Variants in SLC6A20 observed in about 807,000 individuals in gnomAD.
The protein encoded by SLC6A20 is solute carrier family 6 member 20.
In SLC6A20, 73 loss-of-function variants were observed where a neutral mutation model predicts 64.3. That is an observed-to-expected ratio of 1.14 (90% CI 0.94 to 1.38). SLC6A20 has a LOEUF of 1.38. SLC6A20 is among the 40% of genes most tolerant of loss of function. The pLI is 0.00. For synonymous variants in SLC6A20, 347 were observed against 329.6 expected (o/e 1.05, Z -0.57); for missense variants, 725 against 772.8 (o/e 0.94, Z 0.73).
At chr3:45,778,296 G>A (rs900290075) in intron 3 of SLC6A20, among the ~76,000 whole-genome samples, 1 of 152,160 alleles carries the variant, frequency 6.6e-6, no homozygotes, top group African/African-American at 2.4e-5. Flanking sequence ...AGCCTCGTGG[G>A]GTGGCTGTTT....
In SLC6A20 at chr3:45,771,248, C is replaced by T. The variant is rs763155618; in HGVS notation, c.904G>A (p.Ala302Thr). 2 of 1,614,208 alleles carry T rather than the reference C, an allele frequency of 1.2e-6. No individual in the cohort carries two copies. The highest frequency in any genetic ancestry group is 2.2e-5 in the East Asian group (1 of 44,884). Residue 302 changes from alanine to threonine, a missense_variant, in exon 6 of 11, where the codon GCC becomes ACC. By Grantham distance (58) the Ala-to-Thr change is moderately conservative. Coordinates refer to ENST00000358525, the MANE Select transcript of SLC6A20 (RefSeq NM_020208.4). ...AAGCAGTTTTCATAATTGAAGGTGG[C>T]CTTGAAGCCATAGATGGAGAAGGTG... ...IVTFSIYGFKATFNYENCLKK... is the reference protein window; with the variant it reads ...IVTFSIYGFKTTFNYENCLKK...
In SLC6A20 at chr3:45,771,306, G is replaced by A; in HGVS notation, c.846C>T (p.Ile282=). The A allele has an allele frequency of 6.2e-7, 1 of 1,614,262 alleles. No individual in the cohort carries two copies. The highest frequency in any genetic ancestry group is 8.5e-7 in the Non-Finnish European group (1 of 1,180,044). The change falls in exon 6 of 11, where the codon ATC becomes ATT. Residue 282 remains isoleucine (I), a synonymous_variant. Coordinates refer to ENST00000358525, the MANE Select transcript of SLC6A20 (RefSeq NM_020208.4). ...TGGCAAATATGGAGGTGAAGCTGTT[G>A]ATGAGGGACACGATGATGGCGTGCT... is the stretch of plus-strand genomic sequence containing the variant. ...CQKHAIIVSL[I]NSFTSIFASI...
chr3:45,766,108 A>C (rs1575426080), intron 7 of SLC6A20, among the ~76,000 whole-genome samples: 1 of 152,288 alleles, frequency 6.6e-6, no homozygotes, highest in South Asian at 2.1e-4. Flanking sequence ...CTGAGGAGGG[A>C]GGGCGGGGCC....
Position 45,795,334 on chromosome 3 carries a change from T to G in SLC6A20, c.121+965A>C, listed in dbSNP as rs576901192. Among the ~76,000 whole-genome samples the G allele has an allele frequency of 6.5e-3, 989 of 152,238 alleles. 6 individuals carry two copies. Among genetic ancestry groups the G allele is most frequent in the Non-Finnish European group, 9.4e-3 (639 of 68,004 alleles). ...ATACAGGATACGAGAAAATACAATT[T>G]TTTTTTTGAAAATGCCGCCTTAAAG... On this transcript the variant is annotated intron_variant, in intron 1 of 10. Transcript: ENST00000358525.
chr3:45,773,846 TGAGAA>T (rs1239311500), intron 4 of SLC6A20, among the ~76,000 whole-genome samples: 7 of 152,208 alleles, frequency 4.6e-5, no homozygotes, highest in Non-Finnish European at 8.8e-5. Flanking sequence ...TGTTGTAACT[TGAGAA>T]GAGTAATAAA....
Position 45,771,246 on chromosome 3 carries a change from G to A in SLC6A20, c.906C>T (p.Ala302=), listed in dbSNP as rs1219737105. 6 of 1,614,214 alleles carry A rather than the reference G, an allele frequency of 3.7e-6. No individual in the cohort carries two copies. The East Asian group carries it at 8.9e-5, about 24-fold the overall frequency. The change falls in exon 6 of 11, where the codon GCC becomes GCT. Residue 302 remains alanine (A), a synonymous_variant. Coordinates refer to ENST00000358525, the MANE Select transcript of SLC6A20 (RefSeq NM_020208.4). ...TCAAGCAGTTTTCATAATTGAAGGTGGCCTTGAAGCCATAGATGGAGAAGG... is the reference window on the plus strand; with the variant it reads ...TCAAGCAGTTTTCATAATTGAAGGTAGCCTTGAAGCCATAGATGGAGAAGG... ...IVTFSIYGFK[A]TFNYENCLKK...
intron 10 of SLC6A20, 120 bp downstream of exon 10, chr3:45,759,737 T>C: frequency 7.9e-7 from 1 of 1,263,248 alleles, no homozygotes; most frequent in Non-Finnish European, 1.1e-6. Context: ...GATATTTCCA[T>C]GTCGTGACAA....
rs533030163 is a variant in SLC6A20 at position 45,784,193 on chromosome 3, C to A, written c.122-1970G>T. Among the ~76,000 whole-genome samples the A allele has an allele frequency of 1.1e-4, 16 of 152,346 alleles. No homozygotes were observed. In the East Asian group the frequency reaches 1.9e-3, roughly 18 times the overall value. ...GGGCTGTTTGGCCCTAGGCATTAAT[C>A]ATTTCTGTCACTCCTGACCCAACCT... On this transcript the variant is annotated intron_variant, in intron 1 of 10. Coordinates refer to ENST00000358525, the MANE Select transcript of SLC6A20 (RefSeq NM_020208.4).
In SLC6A20 at chr3:45,765,437, A is replaced by G; in HGVS notation, c.1303+100T>C. Reference sequence around the variant, plus strand: ...GAGGTGGCTGCAACCCCCTGTAGCCACCTGAACCAGCCCATGACCCCTGAG... The same window carrying G: ...GAGGTGGCTGCAACCCCCTGTAGCCGCCTGAACCAGCCCATGACCCCTGAG... On this transcript the variant is annotated intron_variant, in intron 8 of 10. Coordinates refer to ENST00000358525, the MANE Select transcript of SLC6A20 (RefSeq NM_020208.4). The surrounding 1 kb of genome is among the most constrained non-coding windows in gnomAD (Gnocchi z 4.2). The G allele has an allele frequency of 7.3e-7, 1 of 1,371,172 alleles. No individual in the cohort carries two copies. Among genetic ancestry groups the G allele is most frequent in the Non-Finnish European group, 1.0e-6 (1 of 1,004,922 alleles). 84.9% of individuals were successfully genotyped at this position (1,371,172 alleles called of 1,614,324 possible). A position where few individuals can be genotyped will look rare whatever the true frequency, so the allele number is the denominator to read the frequency against.
chr3:45,782,161 C>G lies in SLC6A20; in HGVS notation c.184G>C (p.Glu62Gln). The part of the protein sequence containing the change: ...IVEGMPLLYL[E>Q]LAVGQRMRQG... ...CGCATGCGCTGCCCCACAGCCAGTT[C>G]CAGGTACAAGAGCGGCATTCCCTCC... is the stretch of plus-strand genomic sequence containing the variant. The change falls in exon 2 of 11, where the codon GAA becomes CAA. Residue 62 changes from glutamate to glutamine, a missense_variant. Transcript: ENST00000358525. 1.2e-6 allele frequency: 2 copies of G among 1,613,968 alleles called. No individual in the cohort carries two copies. Among genetic ancestry groups the G allele is most frequent in the Non-Finnish European group, 1.7e-6 (2 of 1,179,936 alleles).
intron 9 of SLC6A20, among the ~76,000 whole-genome samples, chr3:45,761,963 T>C (rs530253135): frequency 4.4e-4 from 67 of 152,222 alleles, no homozygotes; most frequent in African/African-American, 1.5e-3. Flanking sequence ...GTGTTGTCAA[T>C]GTCTCCCTCC....
intron 10 of SLC6A20, 101 bp from the exon 11 acceptor site, chr3:45,759,228 G>C (rs561512484): frequency 2.3e-6 from 3 of 1,282,550 alleles, no homozygotes; most frequent in East Asian, 2.6e-5. Flanking sequence ...CGTGGGCAGA[G>C]AGCATGTGGG....
chr3:45,773,238 G>C (rs771889042), intron 4 of SLC6A20, among the ~76,000 whole-genome samples: 1 of 152,214 alleles, frequency 6.6e-6, no homozygotes, highest in East Asian at 1.9e-4. Flanking sequence ...GAGGTGTAGC[G>C]TAGAGGACAA....
intron 2 of SLC6A20, among the ~76,000 whole-genome samples, chr3:45,781,187 T>A (rs558555636): frequency 1.4e-4 from 21 of 149,668 alleles, no homozygotes; most frequent in African/African-American, 5.2e-4. Context: ...GCCATTGCAC[T>A]CCAGCCTGGG....
intron 2 of SLC6A20, among the ~76,000 whole-genome samples, chr3:45,780,865 A>AC (rs1207608796): frequency 1.3e-5 from 2 of 151,444 alleles, no homozygotes; most frequent in African/African-American, 4.9e-5. Flanking sequence ...TCCCCTCCCC[A>AC]CCCCCACTCC....
intron 3 of SLC6A20, among the ~76,000 whole-genome samples, chr3:45,777,546 C>T (rs936113413): frequency 4.6e-5 from 7 of 152,196 alleles, no homozygotes; most frequent in African/African-American, 7.2e-5. Context: ...AGTGACTTCC[C>T]GGCCCAGGAC....
Position 45,765,137 on chromosome 3 carries a change from TG to T in SLC6A20, c.1303+399del, listed in dbSNP as rs1347638966. On this transcript the variant is annotated intron_variant, in intron 8 of 10. Coordinates refer to ENST00000358525, the MANE Select transcript of SLC6A20 (RefSeq NM_020208.4). This position sits in a 1 kb window ranked among gnomAD's most constrained non-coding sequence, Gnocchi z 4.2. Reference sequence around the variant, plus strand: ...GTGAGGCAGGAGAATCACTTGAACCTGGGAGATGGAGGTTGCAGTGAGCCAA... The same window carrying T: ...GTGAGGCAGGAGAATCACTTGAACCTGGAGATGGAGGTTGCAGTGAGCCAA... 6.6e-6 allele frequency among the ~76,000 whole-genome samples: 1 copy of T among 152,030 alleles called. No homozygotes were observed. The highest frequency in any genetic ancestry group is 2.4e-5 in the African/African-American group (1 of 41,384).
chr3:45,777,065 A>G (rs1699980600), intron 3 of SLC6A20, among the ~76,000 whole-genome samples: 1 of 152,216 alleles, frequency 6.6e-6, no homozygotes, highest in Non-Finnish European at 1.5e-5. Context: ...TTTGAGGACC[A>G]GCCCCACATT....
intron 7 of SLC6A20, among the ~76,000 whole-genome samples, chr3:45,766,037 G>A (rs1219867010): frequency 6.6e-6 from 1 of 152,162 alleles, no homozygotes; most frequent in East Asian, 1.9e-4. Context: ...TAAAACAATG[G>A]ATAATTTCTG....
Sources: gnomAD v4.1 joint callset for allele counts (sites outside exome capture counted in the v4.1 genomes callset) on GRCh38, gnomAD v4.1.1 for gene constraint, Gnocchi (gnomAD v3.1) non-coding constraint, MANE v1.5 for transcripts, NCBI Gene and HGNC (gene_info 2026-07-23, HGNC 2026-07-21) for gene names.